The following DGKB variants were observed in gnomAD, a reference collection of about 807,000 sequenced individuals.
The protein encoded by DGKB is diacylglycerol kinase beta.
DGKB carries 67 observed loss-of-function variants against 114.3 expected under a neutral mutation model. The observed-to-expected ratio is 0.59, with a 90% CI of 0.48 to 0.72. The LOEUF (loss-of-function observed/expected upper bound fraction) is 0.72, where lower values mean the gene tolerates loss of function less well. Among genes scored for constraint, DGKB ranks in the 30% least tolerant of loss-of-function variants. The probability of loss-of-function intolerance (pLI) is 0.00; values close to 1 mark genes in which losing one functional copy is unlikely to be tolerated. For synonymous variants in DGKB, 398 were observed against 323.1 expected, an observed-to-expected ratio of 1.23 and a Z score of -2.49; for missense variants, 907 against 975.2, an observed-to-expected ratio of 0.93 and a Z score of 0.93.
At chr7:14,198,426 C>A (rs1055651925) in intron 23 of DGKB, among the ~76,000 whole-genome samples, 1 of 151,980 alleles carries the variant, frequency 6.6e-6, no homozygotes, top group African/African-American at 2.4e-5. Flanking sequence ...CTATCCACAG[C>A]AACAGCAGTC....
intron 14 of DGKB, among the ~76,000 whole-genome samples, chr7:14,624,149 C>T (rs557485048): frequency 1.3e-5 from 2 of 152,198 alleles, no homozygotes; most frequent in East Asian, 3.9e-4. Flanking sequence ...ACGTCAGGAA[C>T]ATATTTAAAA....
chr7:14,886,851 A>G (rs1209226960), intron 1 of DGKB, among the ~76,000 whole-genome samples: 1 of 151,920 alleles, frequency 6.6e-6, no homozygotes, highest in Non-Finnish European at 1.5e-5. Flanking sequence ...GGTTAAAGAT[A>G]AAACAGCCTT....
At chr7:14,502,428 C>A (rs564972533) in intron 20 of DGKB, among the ~76,000 whole-genome samples, 3 of 152,136 alleles carry the variant, frequency 2.0e-5, no homozygotes, top group African/African-American at 7.2e-5. Context: ...AATTCTCCCC[C>A]TACAAAATTG....
intron 13 of DGKB, among the ~76,000 whole-genome samples, chr7:14,671,962 T>C (rs1224261808): frequency 6.6e-6 from 1 of 152,130 alleles, no homozygotes; most frequent in Non-Finnish European, 1.5e-5. Context: ...TAGAATTAGT[T>C]ATTGCTATAC....
intron 21 of DGKB, among the ~76,000 whole-genome samples, chr7:14,370,035 G>C (rs28839866): frequency 0.022 from 3,366 of 152,248 alleles, 115 homozygotes; most frequent in African/African-American, 0.077. Flanking sequence ...CCTATGTTCT[G>C]AATGGTATTG....
At chr7:14,188,514 G>A (rs1272458810) in intron 23 of DGKB, among the ~76,000 whole-genome samples, 5 of 144,982 alleles carry the variant, frequency 3.4e-5, no homozygotes, top group African/African-American at 1.3e-4. Context: ...CAAAAAATTA[G>A]CCGGGCGTGG....
chr7:14,231,252 G>T (rs963483668), intron 23 of DGKB, among the ~76,000 whole-genome samples: 1 of 151,582 alleles, frequency 6.6e-6, no homozygotes, highest in East Asian at 2.0e-4. Flanking sequence ...TCTCACCTGT[G>T]CCCCTAGAGT....
chr7:14,306,905 T>A (rs1027708937), intron 23 of DGKB, among the ~76,000 whole-genome samples: 1 of 152,174 alleles, frequency 6.6e-6, no homozygotes, highest in African/African-American at 2.4e-5. Flanking sequence ...ACATGAGCAT[T>A]CCTCTTCCCC....
chr7:14,896,882 C>A (rs1782189183), intron 1 of DGKB, among the ~76,000 whole-genome samples: 3 of 151,794 alleles, frequency 2.0e-5, no homozygotes, highest in Non-Finnish European at 1.5e-5. Context: ...ATAGAGTTGA[C>A]TTCTCCATAA....
At chr7:14,251,497 G>C (rs1773220561) in intron 23 of DGKB, among the ~76,000 whole-genome samples, 1 of 151,874 alleles carries the variant, frequency 6.6e-6, no homozygotes, top group African/African-American at 2.4e-5. Context: ...AGTTTTGTTT[G>C]TCTATTAACT....
intron 2 of DGKB, among the ~76,000 whole-genome samples, chr7:14,825,026 A>G (rs867084687): frequency 0.015 from 1,972 of 129,496 alleles, 62 homozygotes; most frequent in African/African-American, 0.051. Context: ...GTATATATAT[A>G]TATATATATA....
At chr7:14,323,808 T>G (rs1318569496) in intron 23 of DGKB, among the ~76,000 whole-genome samples, 1 of 152,206 alleles carries the variant, frequency 6.6e-6, no homozygotes, top group Non-Finnish European at 1.5e-5. Context: ...AGATTCACAT[T>G]TCTGGTCTTG....
chr7:14,356,698 G>A (rs1263378420), intron 21 of DGKB, among the ~76,000 whole-genome samples: 1 of 151,960 alleles, frequency 6.6e-6, no homozygotes, highest in Non-Finnish European at 1.5e-5. Context: ...GTTAGGGTGT[G>A]GATTTTAGAT....
At chr7:14,828,365 A>T (rs1365232971) in intron 2 of DGKB, among the ~76,000 whole-genome samples, 3 of 152,132 alleles carry the variant, frequency 2.0e-5, no homozygotes, top group Non-Finnish European at 2.9e-5. Context: ...CAAGAAAAAA[A>T]ATGAAATAGT....
rs374610278 is a variant in DGKB, at chr7:14,203,161, C to CAAAA, written c.2123-25014_2123-25011dup. Among the ~76,000 whole-genome samples the CAAAA allele has an allele frequency of 1.5e-3, 148 of 96,140 alleles. 3 individuals are homozygous for CAAAA. Among genetic ancestry groups the CAAAA allele is most frequent in the African/African-American group, 5.6e-3 (130 of 23,038 alleles). The allele number at this position is 96,140 out of a possible 152,430, so 63.1% of individuals were successfully genotyped here. On this transcript the variant is annotated intron_variant, in intron 23 of 25. Transcript: ENST00000402815. ...GGCCAGTATCAAAAAGAGCAGTAGCCAAAAAAAAAAAAAAAAGTTAAAAGT... is the reference window on the plus strand; with the variant it reads ...GGCCAGTATCAAAAAGAGCAGTAGCCAAAAAAAAAAAAAAAAAAAAGTTAAAAGT...
chr7:14,721,202 C>T (rs1585968737), intron 5 of DGKB, among the ~76,000 whole-genome samples: 1 of 152,172 alleles, frequency 6.6e-6, no homozygotes, highest in African/African-American at 2.4e-5. Context: ...TATTATAGAT[C>T]TTCACTTATT....
chr7:14,375,627 C>T (rs143421217), intron 21 of DGKB, among the ~76,000 whole-genome samples: 8 of 152,308 alleles, frequency 5.3e-5, no homozygotes, highest in East Asian at 1.9e-4. Context: ...GGTCTCTCTT[C>T]GAATGTCACC....
intron 17 of DGKB, among the ~76,000 whole-genome samples, chr7:14,590,816 T>C (rs994258713): frequency 3.9e-5 from 6 of 152,166 alleles, no homozygotes; most frequent in Non-Finnish European, 7.3e-5. Context: ...ATTCACATGT[T>C]ATTACTGATT....
intron 23 of DGKB, among the ~76,000 whole-genome samples, chr7:14,277,033 T>C (rs900059764): frequency 2.6e-5 from 4 of 152,160 alleles, no homozygotes; most frequent in Non-Finnish European, 5.9e-5. Context: ...ATATTATTAT[T>C]GACTATAGTC....
Sources: gnomAD v4.1 joint callset for allele counts (sites outside exome capture counted in the v4.1 genomes callset) on GRCh38, gnomAD v4.1.1 for gene constraint, MANE v1.5 for transcripts, NCBI Gene and HGNC (gene_info 2026-07-23, HGNC 2026-07-21) for gene names.